Variants in OTX1 observed in about 807,000 individuals in gnomAD.
The protein encoded by OTX1 is homeobox protein OTX1.
OTX1 carries 7 observed loss-of-function variants against 26.7 expected under a neutral mutation model. The observed-to-expected ratio is 0.26, with a 90% CI of 0.15 to 0.49. The LOEUF (loss-of-function observed/expected upper bound fraction) is 0.49, where lower values mean the gene tolerates loss of function less well. OTX1 is among the 20% of genes least tolerant of loss of function. The pLI is 0.98. For missense variants in OTX1, 414 were observed against 483.8 expected, an observed-to-expected ratio of 0.86 and a Z score of 1.35; for synonymous variants, 216 against 212.8, an observed-to-expected ratio of 1.01 and a Z score of -0.13.
intron 4 of OTX1, 95 bp downstream of exon 4, chr2:63,054,293 T>C: frequency 7.9e-7 from 1 of 1,262,404 alleles, no homozygotes; most frequent in Non-Finnish European, 1.0e-6. Flanking sequence ...GAGGAGACCA[T>C]CCTGTGGGGG....
At chr2:63,053,135 G>C (rs2062038019) in intron 3 of OTX1, 48 bp downstream of exon 3, 3 of 1,277,430 alleles carry the variant, frequency 2.3e-6, no homozygotes, top group East Asian at 5.1e-5. Flanking sequence ...AAATGTTGGG[G>C]ACCCCCAGAC....
rs532874265 is a variant in OTX1, at chr2:63,051,771, G to A, written c.-112+454G>A. ...CTTGAACGTCCTAGCCCGAGTCCCT[G>A]GCTTGCTTCACAGCGATCCCGCTAA... On this transcript the variant is annotated intron_variant, in intron 2 of 4. Coordinates refer to ENST00000282549, the MANE Select transcript of OTX1 (RefSeq NM_014562.4). 4 of 152,708 alleles carry A rather than the reference G, an allele frequency of 2.6e-5. No homozygotes were observed. The East Asian group carries it at 7.7e-4, about 29-fold the overall frequency. 9.5% of individuals were successfully genotyped at this position (152,708 alleles called of 1,614,324 possible). A position where few individuals can be genotyped will look rare whatever the true frequency, so the allele number is the denominator to read the frequency against.
In OTX1 at chr2:63,056,313, G is replaced by C. The variant is rs747412074; in HGVS notation, c.1062G>C (p.Leu354Phe). 6.2e-7 allele frequency: 1 copy of C among 1,608,652 alleles called. No homozygotes were observed. The highest frequency in any genetic ancestry group is 8.5e-7 in the Non-Finnish European group (1 of 1,176,270). ...AAGCCTCATGGCGGTTCCAGGTCTT[G>C]TGAGCCCAGGAATGAAAGAGGAGAA... ...KDQASWRFQV[L>F] Residue 354 changes from leucine to phenylalanine, a missense_variant, in exon 5 of 5, where the codon TTG becomes TTC. By Grantham distance (22) the Leu-to-Phe change is conservative. Around this residue, in one of 3 missense-constraint regions of OTX1, gnomAD observed 320 missense variants for 347.9 expected, o/e 0.92. Transcript: ENST00000282549.
rs1011203954 is a variant in OTX1, at chr2:63,055,732, C to T, written c.481C>T (p.Pro161Ser). The T allele has an allele frequency of 5.0e-6, 8 of 1,612,520 alleles. No individual in the cohort carries two copies. In the Admixed American group the frequency reaches 1.0e-4, roughly 20 times the overall value. The change falls in exon 5 of 5, where the codon CCG (proline) becomes TCG (serine). Residue 161 changes from proline (P) to serine (S), a missense_variant. Around this residue, in one of 3 missense-constraint regions of OTX1, gnomAD observed 320 missense variants for 347.9 expected, o/e 0.92. Transcript: ENST00000282549. This position sits in a 1 kb window ranked among gnomAD's most constrained non-coding sequence, Gnocchi z 5.2. Reference sequence around the variant, plus strand: ...AGCGGCTGCGGGACTAGGTGGGAACCCGGTGGCGGCCGCGTCGTCGCTGAG... The same window carrying T: ...AGCGGCTGCGGGACTAGGTGGGAACTCGGTGGCGGCCGCGTCGTCGCTGAG... ...AAAAAGLGGNPVAAASSLSTP... is the reference protein window; with the variant it reads ...AAAAAGLGGNSVAAASSLSTP...
chr2:63,052,522 G>A (rs1034043812), intron 2 of OTX1, among the ~76,000 whole-genome samples: 7 of 152,228 alleles, frequency 4.6e-5, no homozygotes, highest in African/African-American at 1.7e-4. Context: ...GGCACCAAGT[G>A]AACCTTTGCT....
Position 63,053,019 on chromosome 2 carries a change from A to T in OTX1, c.29A>T (p.Tyr10Phe). ...ATGTCTTACCTCAAACAACCCCCATACGGCATGAACGGGCTGGGCCTGGCC... is the reference window on the plus strand; with the variant it reads ...ATGTCTTACCTCAAACAACCCCCATTCGGCATGAACGGGCTGGGCCTGGCC... MMSYLKQPP[Y>F]GMNGLGLAGP... Residue 10 changes from tyrosine to phenylalanine, a missense_variant, in exon 3 of 5, where the codon TAC becomes TTC. Transcript: ENST00000282549. 6.2e-7 allele frequency: 1 copy of T among 1,609,114 alleles called. No homozygotes were observed. Among genetic ancestry groups the T allele is most frequent in the Non-Finnish European group, 8.5e-7 (1 of 1,178,218 alleles).
rs2062054594 is a variant in OTX1 at position 63,055,244 on chromosome 2, G to A, written c.250-257G>A. Among the ~76,000 whole-genome samples, 1 of 152,212 alleles carries A rather than the reference G, an allele frequency of 6.6e-6. No individual in the cohort carries two copies. Among genetic ancestry groups the A allele is most frequent in the Non-Finnish European group, 1.5e-5 (1 of 68,054 alleles). Reference sequence around the variant, plus strand: ...ATATTCCGCCCTAGGGCAGAGTTGCGGTAGGGGTGGGGAGGTGCGCATCCC... The same window carrying A: ...ATATTCCGCCCTAGGGCAGAGTTGCAGTAGGGGTGGGGAGGTGCGCATCCC... On this transcript the variant is annotated intron_variant, in intron 4 of 4. Transcript: ENST00000282549. This position sits in a 1 kb window ranked among gnomAD's most constrained non-coding sequence, Gnocchi z 5.2.
chr2:63,051,441 C>A (rs949839038), intron 2 of OTX1, 124 bp downstream of exon 2: 3 of 152,336 alleles, frequency 2.0e-5, no homozygotes, highest in Non-Finnish European at 4.4e-5. Context: ...GTGGGAGCGG[C>A]CTGGCTCCCC....
intron 4 of OTX1, 51 bp downstream of exon 4, chr2:63,054,249 G>A (rs765057067): frequency 2.6e-6 from 4 of 1,521,310 alleles, no homozygotes; most frequent in Admixed American, 2.0e-5. Flanking sequence ...GAGGCTGCTC[G>A]GGGAAGGTCT....
chr2:63,055,701 G>T lies in OTX1; in HGVS notation c.450G>T (p.Ala150=). 2 of 1,613,296 alleles carry T rather than the reference G, an allele frequency of 1.2e-6. No individual in the cohort carries two copies. The highest frequency in any genetic ancestry group is 3.3e-4 in the Middle Eastern group (2 of 6,062). The part of the protein sequence containing the change: ...SSASSSSANP[A]AAAAAGLGGN... The stretch of plus-strand genomic sequence containing the variant: ...CGTCCAGCTCTTCCGCCAACCCAGC[G>T]GCTGCAGCGGCTGCGGGACTAGGTG... Residue 150 remains alanine, a synonymous_variant, in exon 5 of 5, where the codon GCG becomes GCT. Coordinates refer to ENST00000282549, the MANE Select transcript of OTX1 (RefSeq NM_014562.4). This position sits in a 1 kb window ranked among gnomAD's most constrained non-coding sequence, Gnocchi z 5.2.
chr2:63,055,907 C>T lies in OTX1; in HGVS notation c.656C>T (p.Ala219Val). 1 of 1,612,716 alleles carries T rather than the reference C, an allele frequency of 6.2e-7. No individual in the cohort carries two copies. The highest frequency in any genetic ancestry group is 8.5e-7 in the Non-Finnish European group (1 of 1,180,010). ...GCTGCAGGCGCCGCCACCGCAGCAG[C>T]CTCTTATCCCATGTCCTACGGCCAG... ...SVAAGAATAA[A>V]SYPMSYGQGG... Residue 219 changes from alanine (A) to valine (V), a missense_variant, in exon 5 of 5, where the codon GCC (alanine) becomes GTC (valine). Transcript: ENST00000282549. The surrounding 1 kb of genome is among the most constrained non-coding windows in gnomAD (Gnocchi z 5.2).
In OTX1 at chr2:63,057,780, C is replaced by T. The variant is rs2062079001; in HGVS notation, c.*1464C>T. On this transcript the variant is annotated 3_prime_UTR_variant, in exon 5 of 5. Transcript: ENST00000282549. ...ACTTGTTGAAATGTAAGGCAGTCCCCCTCCTCCTCTTTATCTACATTACTT... is the reference window on the plus strand; with the variant it reads ...ACTTGTTGAAATGTAAGGCAGTCCCTCTCCTCCTCTTTATCTACATTACTT... 6.6e-6 allele frequency: 1 copy of T among 151,674 alleles called. No homozygotes were observed. The highest frequency in any genetic ancestry group is 2.1e-4 in the South Asian group (1 of 4,820). The allele number at this position is 151,674 out of a possible 1,614,324, so 9.4% of individuals were successfully genotyped here.
At position 63,050,868 on chromosome 2, in the gene OTX1, C is replaced by T. The variant is rs1163585127; in HGVS notation, c.-210C>T. 5 of 152,302 alleles carry T rather than the reference C, an allele frequency of 3.3e-5. No homozygotes were observed. The highest frequency in any genetic ancestry group is 1.2e-4 in the African/African-American group (5 of 41,460). 9.4% of individuals were successfully genotyped at this position (152,302 alleles called of 1,614,324 possible). Reference sequence around the variant, plus strand: ...CAGGCTACATTTCCAATCACCTAAACAACCGAGCAAGACAAGCCACTCCGA... The same window carrying T: ...CAGGCTACATTTCCAATCACCTAAATAACCGAGCAAGACAAGCCACTCCGA... On this transcript the variant is annotated 5_prime_UTR_variant, in exon 1 of 5. Coordinates refer to ENST00000282549, the MANE Select transcript of OTX1 (RefSeq NM_014562.4).
Position 63,055,771 on chromosome 2 carries a change from T to TC in OTX1, c.521dup (p.Ser175IlefsTer27). The TC allele has an allele frequency of 6.2e-7, 1 of 1,612,442 alleles. No individual in the cohort carries two copies. The highest frequency in any genetic ancestry group is 8.5e-7 in the Non-Finnish European group (1 of 1,179,666). ...GTCGTCGCTGAGTACACCAGCTGCC[T>TC]CATCTATCTGGAGCCCGGCCTCCAT... On this transcript the variant is annotated frameshift_variant, in exon 5 of 5. Coordinates refer to ENST00000282549, the MANE Select transcript of OTX1 (RefSeq NM_014562.4). LOFTEE classifies it high-confidence loss of function. This position sits in a 1 kb window ranked among gnomAD's most constrained non-coding sequence, Gnocchi z 5.2.
chr2:63,051,364 G>A (rs1489552172), intron 2 of OTX1, 47 bp downstream of exon 2: 3 of 152,424 alleles, frequency 2.0e-5, no homozygotes, highest in Non-Finnish European at 4.4e-5. Context: ...GAGCGCGTTG[G>A]TTACCCTTAT....
chr2:63,054,360 A>C (rs922165375), intron 4 of OTX1, among the ~76,000 whole-genome samples, 162 bp downstream of exon 4: 1 of 152,250 alleles, frequency 6.6e-6, no homozygotes, highest in Non-Finnish European at 1.5e-5. Context: ...GGCCCCAGCC[A>C]GGAAAGGGGG....
At chr2:63,052,039 C>G (rs1331192677) in intron 2 of OTX1, 1 of 152,490 alleles carries the variant, frequency 6.6e-6, no homozygotes, top group East Asian at 1.9e-4. Context: ...TCACAAATCC[C>G]CGAGACCCTT....
chr2:63,052,419 C>T (rs2062032717), intron 2 of OTX1, among the ~76,000 whole-genome samples: 1 of 152,262 alleles, frequency 6.6e-6, no homozygotes, highest in Non-Finnish European at 1.5e-5. Context: ...GTGCAATTAG[C>T]CCTCCACATT....
In OTX1 at chr2:63,055,991, A is replaced by G; in HGVS notation, c.740A>G (p.Asp247Gly). The part of the protein sequence containing the change: ...TPSSSYFGGV[D>G]CSSYLAPMHS... ...TCCTCTTCCTACTTTGGCGGCGTGG[A>G]CTGCAGCTCATACCTAGCGCCCATG... The change falls in exon 5 of 5, where the codon GAC (aspartate) becomes GGC (glycine). Residue 247 changes from aspartate to glycine, a missense_variant. Asp to Gly is a moderately conservative substitution (Grantham distance 94). This residue lies in a region of OTX1 where 320 missense variants were observed against 347.9 expected (regional missense o/e 0.92). Coordinates refer to ENST00000282549, the MANE Select transcript of OTX1 (RefSeq NM_014562.4). The surrounding 1 kb of genome is among the most constrained non-coding windows in gnomAD (Gnocchi z 5.2). The G allele has an allele frequency of 1.9e-6, 3 of 1,613,864 alleles. No homozygotes were observed. Among genetic ancestry groups the G allele is most frequent in the Non-Finnish European group, 8.5e-7 (1 of 1,180,028 alleles).
Sources: allele counts gnomAD v4.1 joint callset (sites outside exome capture counted in the v4.1 genomes callset), GRCh38; gene constraint gnomAD v4.1.1; regional missense constraint gnomAD v4.1.1; non-coding constraint Gnocchi (gnomAD v3.1); transcripts MANE v1.5; gene names NCBI Gene and HGNC (gene_info 2026-07-23, HGNC 2026-07-21).